The following ERCC2 variants were observed in gnomAD, a reference collection of about 807,000 sequenced individuals.
The protein encoded by ERCC2 is ERCC excision repair 2, TFIIH core complex helicase subunit.
In ERCC2, 90 loss-of-function variants were observed where a neutral mutation model predicts 99.4. That is an observed-to-expected ratio of 0.91 (90% CI 0.76 to 1.08). The LOEUF is 1.08. Among genes scored for constraint, ERCC2 ranks in the 50% least tolerant of loss-of-function variants. The pLI, the probability that ERCC2 is intolerant of heterozygous loss-of-function variation, is 0.00. For synonymous variants in ERCC2, 497 were observed against 432.4 expected (o/e 1.15, Z -1.85); for missense variants, 993 against 1,038.1 (o/e 0.96, Z 0.60).
In ERCC2 at chr19:45,352,635, G is replaced by A; in HGVS notation, c.1917C>T (p.Tyr639=). 1 of 1,613,958 alleles carries A rather than the reference G, an allele frequency of 6.2e-7. No individual in the cohort carries two copies. The highest frequency in any genetic ancestry group is 8.5e-7 in the Non-Finnish European group (1 of 1,180,038). Residue 639 remains tyrosine (Y), a synonymous_variant, in exon 21 of 23, where the codon TAC becomes TAT. Transcript: ENST00000391945. The part of the protein sequence containing the change: ...QSRILKARLE[Y]LRDQFQIREN... ...CACGAATCTGGAACTGGTCCCGCAGGTATTCCAGCCGCGCCTGCAGATACG... is the reference window on the plus strand; with the variant it reads ...CACGAATCTGGAACTGGTCCCGCAGATATTCCAGCCGCGCCTGCAGATACG...
intron 22 of ERCC2, among the ~76,000 whole-genome samples, 188 bp downstream of exon 22, chr19:45,352,003 CGTGCCTGGGCCACCTGCT>C (rs1971812463): frequency 6.6e-6 from 1 of 152,220 alleles, no homozygotes; most frequent in Admixed American, 6.5e-5. Flanking sequence ...CTCACCCTGC[CGTGCCTGGGCCACCTGCT>C]GGCATCTGTG....
rs367981132 is a variant in ERCC2, at chr19:45,350,766, G to C, written c.*863C>G. Reference sequence around the variant, plus strand: ...CAGCCGGGTGAGTGTTGATCAGGTCGGCAAAGAGCCCTGACATCAGCAGAA... The same window carrying C: ...CAGCCGGGTGAGTGTTGATCAGGTCCGCAAAGAGCCCTGACATCAGCAGAA... On this transcript the variant is annotated 3_prime_UTR_variant, in exon 23 of 23. Coordinates refer to ENST00000391945, the MANE Select transcript of ERCC2 (RefSeq NM_000400.4). 1.9e-6 allele frequency: 3 copies of C among 1,596,534 alleles called. No individual in the cohort carries two copies. The highest frequency in any genetic ancestry group is 2.6e-6 in the Non-Finnish European group (3 of 1,170,852).
chr19:45,369,030 C>T, intron 3 of ERCC2, 38 bp from the exon 4 acceptor site: 3 of 1,614,050 alleles, frequency 1.9e-6, no homozygotes, highest in Non-Finnish European at 1.7e-6. Context: ...TGTCCCGCCC[C>T]TTCCTTTGTC....
intron 5 of ERCC2, among the ~76,000 whole-genome samples, chr19:45,366,891 A>C (rs3916808): frequency 0.64 from 97,086 of 151,958 alleles, 32,664 homozygotes; most frequent in African/African-American, 0.87. Context: ...AAAAACTAGC[A>C]GGGCGTGGTG....
In ERCC2 at chr19:45,350,663, T is replaced by A. The variant is rs773673888; in HGVS notation, c.*966A>T. The A allele has an allele frequency of 6.2e-7, 1 of 1,612,264 alleles. No homozygotes were observed. The highest frequency in any genetic ancestry group is 1.1e-5 in the South Asian group (1 of 91,026). On this transcript the variant is annotated 3_prime_UTR_variant, in exon 23 of 23. Transcript: ENST00000391945. ...CAGGCCCTTCGCCGCAGCAGCTCACTCTCCAAGATCCGTGAGTCTATCAGG... is the reference window on the plus strand; with the variant it reads ...CAGGCCCTTCGCCGCAGCAGCTCACACTCCAAGATCCGTGAGTCTATCAGG...
At chr19:45,352,440 T>TGAACGGGAAAC in intron 21 of ERCC2, 66 bp downstream of exon 21, 1 of 1,613,866 alleles carries the variant, frequency 6.2e-7, no homozygotes, top group Non-Finnish European at 8.5e-7. Flanking sequence ...ACCTGGGAAA[T>TGAACGGGAAAC]GAACGGGAAA....
chr19:45,362,378 A>G (rs1197904128), intron 11 of ERCC2, among the ~76,000 whole-genome samples: 1 of 152,142 alleles, frequency 6.6e-6, no homozygotes, highest in African/African-American at 2.4e-5. Context: ...CGGTGTCGGA[A>G]CCCCATGGGC....
chr19:45,365,300 G>T, intron 5 of ERCC2, 142 bp from the exon 6 acceptor site: 1 of 694,806 alleles, frequency 1.4e-6, no homozygotes. Flanking sequence ...AGACGCGTGG[G>T]AACTTAATGC....
At chr19:45,364,572 C>T (rs1321471252) in intron 7 of ERCC2, 25 bp from the exon 8 acceptor site, 1 of 1,611,136 alleles carries the variant, frequency 6.2e-7, no homozygotes, top group Non-Finnish European at 8.5e-7. Context: ...AGCAGGGTTA[C>T]CAGGGCCCTG....
chr19:45,360,899 G>A (rs747455451), intron 12 of ERCC2, among the ~76,000 whole-genome samples: 8 of 152,182 alleles, frequency 5.3e-5, no homozygotes, highest in South Asian at 2.1e-4. Context: ...TTGGGAGGCC[G>A]AGGCCGGTGG....
chr19:45,351,530 CTGACTTCA>C lies in ERCC2; in HGVS notation c.*91_*98del. On this transcript the variant is annotated 3_prime_UTR_variant, in exon 23 of 23. Coordinates refer to ENST00000391945, the MANE Select transcript of ERCC2 (RefSeq NM_000400.4). ...TGGACGTGACAGTGAGAAATGTCAC[CTGACTTCA>C]TAAGACCTTCTAGCACCACCGCCGC... The C allele has an allele frequency of 1.2e-6, 2 of 1,603,022 alleles. No homozygotes were observed. Among genetic ancestry groups the C allele is most frequent in the South Asian group, 1.1e-5 (1 of 90,918 alleles).
rs1971889970 is a variant in ERCC2 at position 45,353,272 on chromosome 19, T to A, written c.1728A>T (p.Glu576Asp). 1.3e-5 allele frequency: 21 copies of A among 1,613,588 alleles called. No individual in the cohort carries two copies. The highest frequency in any genetic ancestry group is 1.8e-5 in the Non-Finnish European group (21 of 1,179,816). Residue 576 changes from glutamate to aspartate, a missense_variant, in exon 18 of 23, where the codon GAA (glutamate) becomes GAT (aspartate). Coordinates refer to ENST00000391945, the MANE Select transcript of ERCC2 (RefSeq NM_000400.4). ...GGTACTTCTCCAGGGCGACACTGGT[T>A]TCGGCACCATCCTGGGTCTCAATAA... is the stretch of plus-strand genomic sequence containing the variant. ...LLFIETQDGA[E>D]TSVALEKYQE... is the part of the protein sequence containing the mutation.
intron 5 of ERCC2, 46 bp from the exon 6 acceptor site, chr19:45,365,204 A>G (rs1972384711): frequency 6.8e-7 from 1 of 1,479,752 alleles, no homozygotes; most frequent in Admixed American, 1.7e-5. Context: ...TGGAAACCCA[A>G]CCACTCTTCA....
At position 45,353,293 on chromosome 19, in the gene ERCC2, A is replaced by G. The variant is rs1459683365; in HGVS notation, c.1707T>C (p.Ile569=). 6.2e-7 allele frequency: 1 copy of G among 1,613,718 alleles called. No individual in the cohort carries two copies. The highest frequency in any genetic ancestry group is 1.7e-5 in the Admixed American group (1 of 60,000). Residue 569 remains isoleucine (I), a synonymous_variant, in exon 18 of 23, where the codon ATT becomes ATC. Coordinates refer to ENST00000391945, the MANE Select transcript of ERCC2 (RefSeq NM_000400.4). Reference sequence around the variant, plus strand: ...TGGTTTCGGCACCATCCTGGGTCTCAATAAAGAGCAGCTTGTTCCTCTGGA... The same window carrying G: ...TGGTTTCGGCACCATCCTGGGTCTCGATAAAGAGCAGCTTGTTCCTCTGGA... ...ENIQRNKLLF[I]ETQDGAETSV... is the part of the protein sequence containing the mutation.
chr19:45,357,265 C>T lies in ERCC2; in HGVS notation c.1479+5G>A. 6.2e-7 allele frequency: 1 copy of T among 1,609,054 alleles called. No homozygotes were observed. Among genetic ancestry groups the T allele is most frequent in the Non-Finnish European group, 8.5e-7 (1 of 1,175,856 alleles). ...CCGGCCCCAGCCCTAGCCTCTCCCA[C>T]TCACCATAGGGCAGAGGCAGACCCG... On this transcript the variant is annotated splice_donor_5th_base_variant and intron_variant, in intron 15 of 22. Transcript: ENST00000391945.
At chr19:45,365,536 G>A (rs990080836) in intron 5 of ERCC2, among the ~76,000 whole-genome samples, 5 of 151,548 alleles carry the variant, frequency 3.3e-5, no homozygotes, top group South Asian at 2.1e-4. Flanking sequence ...GCTTGTATCC[G>A]GGAGGTGGAG....
chr19:45,352,951 G>A lies in ERCC2; in HGVS notation c.1831+132C>T, dbSNP rs1049137021. The A allele has an allele frequency of 6.6e-6, 8 of 1,205,382 alleles. No homozygotes were observed. The East Asian group carries it at 7.0e-5, about 11-fold the overall frequency. The allele number at this position is 1,205,382 out of a possible 1,614,324, so 74.7% of individuals were successfully genotyped here. A position where few individuals can be genotyped will look rare whatever the true frequency, so the allele number is the denominator to read the frequency against. On this transcript the variant is annotated intron_variant, in intron 19 of 22. Transcript: ENST00000391945. ...TTCCCGCCGGGTGCCTAGGGACAGA[G>A]GGGAGGGGAGGGCCCCTCTGTGCAC... is the stretch of plus-strand genomic sequence containing the variant.
rs1318658148 is a variant in ERCC2, at chr19:45,370,183, G to A, written c.55C>T (p.Pro19Ser). 3 of 1,613,388 alleles carry A rather than the reference G, an allele frequency of 1.9e-6. No homozygotes were observed. Among genetic ancestry groups the A allele is most frequent in the Admixed American group, 1.7e-5 (1 of 59,978 alleles). Residue 19 changes from proline to serine, a missense_variant, in exon 2 of 23, where the codon CCC becomes TCC. Transcript: ENST00000391945. ...TCCCGCATGTAGGAGAACTGCTCGG[G>A]GTAGATGTAGTCGTACGGGAAGTAG... ...LVYFPYDYIYPEQFSYMRELK... is the reference protein window; with the variant it reads ...LVYFPYDYIYSEQFSYMRELK...
rs540434753 is a variant in ERCC2, at chr19:45,365,920, GA to G, written c.361-763del. On this transcript the variant is annotated intron_variant, in intron 5 of 22. Coordinates refer to ENST00000391945, the MANE Select transcript of ERCC2 (RefSeq NM_000400.4). ...CCCAATCACGGCTCACTACATCCTT[GA>G]CCTCCCAGGCTCAAGTGATCCTTCC... 7.9e-5 allele frequency among the ~76,000 whole-genome samples: 12 copies of G among 152,122 alleles called. No homozygotes were observed. The South Asian group carries it at 2.5e-3, about 32-fold the overall frequency.
Sources: allele counts gnomAD v4.1 joint callset (sites outside exome capture counted in the v4.1 genomes callset), GRCh38; gene constraint gnomAD v4.1.1; transcripts MANE v1.5; gene names NCBI Gene and HGNC (gene_info 2026-07-23, HGNC 2026-07-21).